Variants in ATXN1 observed in about 807,000 individuals in gnomAD.
ATXN1 encodes the protein ataxin 1, also known as ataxin-1.
In ATXN1, 8 loss-of-function variants were observed where a neutral mutation model predicts 56.4. The observed-to-expected ratio is 0.14, with a 90% CI of 0.08 to 0.26. ATXN1 has a LOEUF of 0.26. Among genes scored for constraint, ATXN1 ranks in the 10% least tolerant of loss-of-function variants. The pLI, the probability that ATXN1 is intolerant of heterozygous loss-of-function variation, is 1.00. For synonymous variants in ATXN1, 514 were observed against 494.6 expected (o/e 1.04, Z -0.52); for missense variants, 987 against 1,106.5 (o/e 0.89, Z 1.53).
chr6:16,618,964 C>T (rs1763269934), intron 3 of ATXN1, among the ~76,000 whole-genome samples: 1 of 151,516 alleles, frequency 6.6e-6, no homozygotes, highest in Admixed American at 6.6e-5. Context: ...CTTTCTAAGA[C>T]AAAAATAAGC....
Position 16,410,048 on chromosome 6 carries a change from G to A in ATXN1, c.-161+75924C>T, listed in dbSNP as rs548972478. ...AAAGATGAGCATCAAATCACCAGAC[G>A]TGCATGGAGAGCATGAGCTGAACGA... is the stretch of plus-strand genomic sequence containing the variant. On this transcript the variant is annotated intron_variant, in intron 6 of 7. Transcript: ENST00000436367. The surrounding 1 kb of genome is among the most constrained non-coding windows in gnomAD (Gnocchi z 4.6). Among the ~76,000 whole-genome samples, 4 of 152,210 alleles carry A rather than the reference G, an allele frequency of 2.6e-5. No homozygotes were observed. The highest frequency in any genetic ancestry group is 5.9e-5 in the Non-Finnish European group (4 of 68,032).
chr6:16,579,445 T>C (rs1325612999), intron 4 of ATXN1, among the ~76,000 whole-genome samples: 7 of 132,040 alleles, frequency 5.3e-5, no homozygotes, highest in Admixed American at 1.0e-4. Flanking sequence ...GATGGAGAAC[T>C]TGGAAGCACA....
At chr6:16,477,617 A>G (rs898454186) in intron 6 of ATXN1, among the ~76,000 whole-genome samples, 1 of 152,022 alleles carries the variant, frequency 6.6e-6, no homozygotes, top group Admixed American at 6.6e-5. Context: ...GCCTCCCTTG[A>G]CCTCTGATTC....
At chr6:16,419,027 G>A (rs1299967894) in intron 6 of ATXN1, among the ~76,000 whole-genome samples, 1 of 152,022 alleles carries the variant, frequency 6.6e-6, no homozygotes, top group Non-Finnish European at 1.5e-5. Flanking sequence ...GTACAAGTAA[G>A]GTAACCACCC....
chr6:16,518,320 G>C (rs929139919), intron 5 of ATXN1, among the ~76,000 whole-genome samples: 6 of 152,192 alleles, frequency 3.9e-5, no homozygotes, highest in Non-Finnish European at 8.8e-5. Context: ...AACCCGGCTG[G>C]GGCTAAAGCC....
chr6:16,461,849 C>G (rs1450763610), intron 6 of ATXN1, among the ~76,000 whole-genome samples: 1 of 152,148 alleles, frequency 6.6e-6, no homozygotes, highest in Non-Finnish European at 1.5e-5. Flanking sequence ...ACTCAAGAGG[C>G]ACTTAAGGAA....
At chr6:16,609,141 T>G (rs1217396658) in intron 3 of ATXN1, among the ~76,000 whole-genome samples, 1 of 152,222 alleles carries the variant, frequency 6.6e-6, no homozygotes, top group Non-Finnish European at 1.5e-5. Context: ...GGCACAGCAC[T>G]GTGAGAAGAA....
chr6:16,519,465 G>C (rs1761245726), intron 5 of ATXN1, among the ~76,000 whole-genome samples: 1 of 152,200 alleles, frequency 6.6e-6, no homozygotes, highest in South Asian at 2.1e-4. Context: ...AGAGCTCCCA[G>C]AAGATGAGAA....
intron 6 of ATXN1, among the ~76,000 whole-genome samples, chr6:16,365,974 AT>A (rs951344918): frequency 4.0e-5 from 6 of 151,744 alleles, no homozygotes; most frequent in Non-Finnish European, 7.4e-5. Context: ...CTATTGTAAA[AT>A]TTTTTTCTGC....
chr6:16,355,453 G>C (rs78133384), intron 6 of ATXN1, among the ~76,000 whole-genome samples: 1 of 152,178 alleles, frequency 6.6e-6, no homozygotes, highest in African/African-American at 2.4e-5. Flanking sequence ...GAGCAGTGTC[G>C]ACCCTGATGG....
At chr6:16,606,867 T>TTTGTGTGTGTGTGTGTGTGTGTGTG in intron 3 of ATXN1, among the ~76,000 whole-genome samples, 1 of 126,810 alleles carries the variant, frequency 7.9e-6, no homozygotes, top group East Asian at 2.7e-4. Flanking sequence ...GTTCCATGAG[T>TTTGTGTGTGTGTGTGTGTGTGTGTG]TGTGTGTGTG....
chr6:16,642,653 ATTG>A (rs1327929222), intron 3 of ATXN1, among the ~76,000 whole-genome samples: 1 of 152,206 alleles, frequency 6.6e-6, no homozygotes, highest in East Asian at 1.9e-4. Flanking sequence ...GGCAAACGTC[ATTG>A]TTGTCTAATT....
intron 6 of ATXN1, among the ~76,000 whole-genome samples, chr6:16,472,157 T>C (rs1268409485): frequency 6.6e-6 from 1 of 152,156 alleles, no homozygotes; most frequent in Non-Finnish European, 1.5e-5. Context: ...TGGCAGCATA[T>C]GCACACCTGC....
At chr6:16,430,661 C>T (rs900690998) in intron 6 of ATXN1, among the ~76,000 whole-genome samples, 1 of 152,036 alleles carries the variant, frequency 6.6e-6, no homozygotes, top group African/African-American at 2.4e-5. Context: ...CTAGTTTTTA[C>T]ATAATGTCTA....
At chr6:16,428,892 G>A (rs1017452305) in intron 6 of ATXN1, among the ~76,000 whole-genome samples, 1 of 152,226 alleles carries the variant, frequency 6.6e-6, no homozygotes, top group Admixed American at 6.5e-5. Context: ...TGCGGAAGAG[G>A]GGATGGGAGC....
intron 6 of ATXN1, among the ~76,000 whole-genome samples, chr6:16,330,207 T>G (rs2113419019): frequency 6.6e-6 from 1 of 151,676 alleles, no homozygotes; most frequent in Non-Finnish European, 1.5e-5. Flanking sequence ...TGAGCCACTG[T>G]GTGTAGCCAA....
intron 6 of ATXN1, among the ~76,000 whole-genome samples, chr6:16,477,929 A>C (rs1343642950): frequency 1.3e-5 from 2 of 152,078 alleles, no homozygotes; most frequent in Admixed American, 1.3e-4. Context: ...GGAAATGGAA[A>C]ATCCTCTTTG....
At chr6:16,585,617 T>C (rs1247583152) in intron 4 of ATXN1, among the ~76,000 whole-genome samples, 163 bp downstream of exon 4, 1 of 152,200 alleles carries the variant, frequency 6.6e-6, no homozygotes, top group African/African-American at 2.4e-5. Context: ...GTTCCATTTT[T>C]ATAAAAGAGA....
chr6:16,635,681 C>T (rs1343231309), intron 3 of ATXN1, among the ~76,000 whole-genome samples: 1 of 152,208 alleles, frequency 6.6e-6, no homozygotes, highest in Non-Finnish European at 1.5e-5. Context: ...TTAGGCAGGA[C>T]ATTGACCAGA....
Sources: gnomAD v4.1 joint callset for allele counts (sites outside exome capture counted in the v4.1 genomes callset) on GRCh38, gnomAD v4.1.1 for gene constraint, Gnocchi (gnomAD v3.1) non-coding constraint, MANE v1.5 for transcripts, NCBI Gene and HGNC (gene_info 2026-07-23, HGNC 2026-07-21) for gene names.